FBXO25: variants seen among roughly 807,000 people sequenced by gnomAD.
The protein encoded by FBXO25 is F-box only protein 25.
FBXO25 carries 45 observed loss-of-function variants against 51.9 expected under a neutral mutation model. The ratio of observed to expected loss-of-function variants is 0.87; its 90% confidence interval spans 0.68 to 1.11. The LOEUF (loss-of-function observed/expected upper bound fraction) is 1.11, where lower values mean the gene tolerates loss of function less well. Ranked by LOEUF, FBXO25 falls within the 50% of genes most tolerant of loss-of-function variation. The pLI, the probability that FBXO25 is intolerant of heterozygous loss-of-function variation, is 0.00. For synonymous variants in FBXO25, 199 were observed against 151.0 expected, an observed-to-expected ratio of 1.32 and a Z score of -2.33; for missense variants, 507 against 428.5, an observed-to-expected ratio of 1.18 and a Z score of -1.62.
At chr8:445,366 C>G (rs945396874) in intron 5 of FBXO25, among the ~76,000 whole-genome samples, 53 of 152,186 alleles carry the variant, frequency 3.5e-4, no homozygotes, top group Non-Finnish European at 1.8e-4. Context: ...CCAGGGAACA[C>G]ATATTCTCTG....
In FBXO25 at chr8:458,505, G is replaced by C; in HGVS notation, c.797G>C (p.Arg266Thr). The C allele has an allele frequency of 1.2e-6, 2 of 1,614,192 alleles. No homozygotes were observed. Among genetic ancestry groups the C allele is most frequent in the Middle Eastern group, 1.6e-4 (1 of 6,062 alleles). Residue 266 changes from arginine to threonine, a missense_variant, in exon 8 of 10, where the codon AGA becomes ACA. By Grantham distance (71) the Arg-to-Thr change is moderately conservative. Transcript: ENST00000350302. ...ACGTTGTATATGCTTAGTGAAGACA[G>C]ACAGCTGTGGAAGAAGCTTTGTCAG... is the stretch of plus-strand genomic sequence containing the variant. ...TPTLYMLSED[R>T]QLWKKLCQYH...
intron 5 of FBXO25, among the ~76,000 whole-genome samples, chr8:442,563 G>A (rs1199055996): frequency 2.7e-5 from 4 of 149,516 alleles, no homozygotes; most frequent in African/African-American, 7.4e-5. Flanking sequence ...TCCGCCCCCC[G>A]GGTTCAAGCG....
At position 458,501 on chromosome 8, in the gene FBXO25, G is replaced by T; in HGVS notation, c.793G>T (p.Asp265Tyr). 1 of 1,614,120 alleles carries T rather than the reference G, an allele frequency of 6.2e-7. No homozygotes were observed. The highest frequency in any genetic ancestry group is 8.5e-7 in the Non-Finnish European group (1 of 1,180,012). The change falls in exon 8 of 10, where the codon GAC becomes TAC. Residue 265 changes from aspartate (D) to tyrosine (Y), a missense_variant. Transcript: ENST00000350302. ...CCCCACGTTGTATATGCTTAGTGAA[G>T]ACAGACAGCTGTGGAAGAAGCTTTG... ...VTPTLYMLSE[D>Y]RQLWKKLCQY...
rs547959297 is a variant in FBXO25, at chr8:452,073, C to T, written c.660+620C>T. Among the ~76,000 whole-genome samples, 7 of 152,224 alleles carry T rather than the reference C, an allele frequency of 4.6e-5. No homozygotes were observed. In the East Asian group the frequency reaches 1.4e-3, roughly 29 times the overall value. On this transcript the variant is annotated intron_variant, in intron 7 of 9. Coordinates refer to ENST00000350302, the MANE Select transcript of FBXO25 (RefSeq NM_183420.2). ...TATCTTAGCGGTGTGCCTTACGTAG[C>T]CTTGGTGGTATAAATGATTCTGCAG... is the stretch of plus-strand genomic sequence containing the variant.
At chr8:426,259 T>C (rs1273679508) in intron 2 of FBXO25, among the ~76,000 whole-genome samples, 2 of 152,222 alleles carry the variant, frequency 1.3e-5, no homozygotes, top group Non-Finnish European at 2.9e-5. Flanking sequence ...TGTTTGTGTA[T>C]ACTCATAAAA....
chr8:407,260 G>C (rs1345078133), intron 1 of FBXO25, 194 bp downstream of exon 1: 5 of 765,750 alleles, frequency 6.5e-6, no homozygotes, highest in Non-Finnish European at 7.9e-6. Flanking sequence ...GGGCCTGTGG[G>C]AGGGTCAGGT....
Position 468,915 on chromosome 8 carries a change from G to C in FBXO25, c.*111G>C, listed in dbSNP as rs1461470312. On this transcript the variant is annotated 3_prime_UTR_variant, in exon 10 of 10. Transcript: ENST00000350302. ...GACTCCTCGGAAGCCCCTGCTTCCA[G>C]AAAGCCTGGGAAGAACTGCCCTTCT... The C allele has an allele frequency of 1.0e-6, 1 of 964,426 alleles. No individual in the cohort carries two copies. The highest frequency in any genetic ancestry group is 1.7e-5 in the African/African-American group (1 of 59,634). The allele number at this position is 964,426 out of a possible 1,614,324, so 59.7% of individuals were successfully genotyped here.
At chr8:418,914 G>C (rs2117481198) in intron 2 of FBXO25, among the ~76,000 whole-genome samples, 1 of 152,228 alleles carries the variant, frequency 6.6e-6, no homozygotes, top group Non-Finnish European at 1.5e-5. Flanking sequence ...AGAATGAACT[G>C]TAAAAGGCTA....
intron 7 of FBXO25, among the ~76,000 whole-genome samples, chr8:456,401 C>A (rs1451069413): frequency 6.6e-6 from 1 of 152,070 alleles, no homozygotes; most frequent in African/African-American, 2.4e-5. Flanking sequence ...GTGCTCTCTG[C>A]CATATGCTAG....
In FBXO25 at chr8:437,184, T is replaced by C. The variant is rs1347021983; in HGVS notation, c.381+1477T>C. On this transcript the variant is annotated intron_variant, in intron 5 of 9. Transcript: ENST00000350302. ...ATCCTAAACACTAATACCTGTGAAA[T>C]GGTAAATTTTCTGTCGGTCATTTGT... Among the ~76,000 whole-genome samples, 6 of 152,178 alleles carry C rather than the reference T, an allele frequency of 3.9e-5. No individual in the cohort carries two copies. In the South Asian group the frequency reaches 6.2e-4, roughly 16 times the overall value.
rs571386119 is a variant in FBXO25, at chr8:467,887, G to A, written c.988-828G>A. 67 of 1,528,990 alleles carry A rather than the reference G, an allele frequency of 4.4e-5. No individual in the cohort carries two copies. The African/African-American group carries it at 8.5e-4, about 20-fold the overall frequency. The allele number at this position is 1,528,990 out of a possible 1,614,324, so 94.7% of individuals were successfully genotyped here. On this transcript the variant is annotated intron_variant, in intron 9 of 9. Coordinates refer to ENST00000350302, the MANE Select transcript of FBXO25 (RefSeq NM_183420.2). ...GAGCTTTCTCAGGACCCTGAGCAGG[G>A]CTGAGTGGCCACTTTGATCAAACAC... is the stretch of plus-strand genomic sequence containing the variant.
intron 8 of FBXO25, among the ~76,000 whole-genome samples, chr8:459,591 A>G (rs1585095851): frequency 6.6e-6 from 1 of 152,310 alleles, no homozygotes; most frequent in Non-Finnish European, 1.5e-5. Context: ...AATAAGAGTT[A>G]TGGGCAAGGA....
chr8:432,848 T>C (rs1475033715), intron 3 of FBXO25, 38 bp from the exon 4 acceptor site: 1 of 1,511,758 alleles, frequency 6.6e-7, no homozygotes, highest in Non-Finnish European at 8.8e-7. Flanking sequence ...TTGAAATGAT[T>C]TGCCAGATTT....
rs1389578698 is a variant in FBXO25, at chr8:474,846, G to A, written c.*6042G>A. ...GTACAGAAGTTGTTTCTTTCTTTTA[G>A]TTACCTGTGTGTGCCTCTGGTGTCA... On this transcript the variant is annotated 3_prime_UTR_variant, in exon 10 of 10. Coordinates refer to ENST00000350302, the MANE Select transcript of FBXO25 (RefSeq NM_183420.2). The A allele has an allele frequency of 4.5e-6, 2 of 448,218 alleles. No individual in the cohort carries two copies. The highest frequency in any genetic ancestry group is 8.9e-6 in the Non-Finnish European group (2 of 225,376). 27.8% of individuals were successfully genotyped at this position (448,218 alleles called of 1,614,324 possible).
In FBXO25 at chr8:454,593, G is replaced by A. The variant is rs11991512; in HGVS notation, c.660+3140G>A. 8.3e-3 allele frequency among the ~76,000 whole-genome samples: 1,268 copies of A among 152,258 alleles called. 11 individuals carry two copies. Among genetic ancestry groups the A allele is most frequent in the African/African-American group, 0.029 (1,205 of 41,554 alleles). On this transcript the variant is annotated intron_variant, in intron 7 of 9. Transcript: ENST00000350302. Reference sequence around the variant, plus strand: ...GTTCACAAGTGATGTGATGTTTTAGGTGGAGCTTAAAGAATGGGCCGGGCG... The same window carrying A: ...GTTCACAAGTGATGTGATGTTTTAGATGGAGCTTAAAGAATGGGCCGGGCG...
At chr8:436,244 A>G (rs1798095978) in intron 5 of FBXO25, among the ~76,000 whole-genome samples, 1 of 152,166 alleles carries the variant, frequency 6.6e-6, no homozygotes, top group South Asian at 2.1e-4. Context: ...TCTTAGCCAT[A>G]TATTCCATTT....
chr8:448,608 G>A (rs1419731014), intron 5 of FBXO25, among the ~76,000 whole-genome samples: 4 of 152,192 alleles, frequency 2.6e-5, no homozygotes, highest in Admixed American at 6.5e-5. Context: ...AGTGTCCATC[G>A]GACTGGATGT....
chr8:433,207 ATG>A (rs1296358255), intron 4 of FBXO25, among the ~76,000 whole-genome samples: 1 of 152,030 alleles, frequency 6.6e-6, no homozygotes, highest in African/African-American at 2.4e-5. Context: ...TGTGGTATAT[ATG>A]GTGTGTATGT....
At chr8:414,677 T>C (rs1369354949) in intron 2 of FBXO25, among the ~76,000 whole-genome samples, 2 of 152,212 alleles carry the variant, frequency 1.3e-5, no homozygotes, top group Non-Finnish European at 2.9e-5. Context: ...GCTACCCCTC[T>C]GTCTCCCTTT....
Sources: allele counts gnomAD v4.1 joint callset (sites outside exome capture counted in the v4.1 genomes callset), GRCh38; gene constraint gnomAD v4.1.1; transcripts MANE v1.5; gene names NCBI Gene and HGNC (gene_info 2026-07-23, HGNC 2026-07-21).